The following FAM135B variants were observed in gnomAD, a reference collection of about 807,000 sequenced individuals.
The protein encoded by FAM135B is protein FAM135B.
FAM135B carries 43 observed loss-of-function variants against 127.7 expected under a neutral mutation model. That is an observed-to-expected ratio of 0.34 (90% CI 0.26 to 0.43). FAM135B has a LOEUF of 0.43. Ranked by LOEUF, FAM135B falls within the 20% of genes least tolerant of loss-of-function variation. The probability of loss-of-function intolerance (pLI) is 1.00; values close to 1 mark genes in which losing one functional copy is unlikely to be tolerated. For synonymous variants in FAM135B, 670 were observed against 665.1 expected (o/e 1.01, Z -0.11); for missense variants, 1,558 against 1,725.6 (o/e 0.90, Z 1.72).
rs533160189 is a variant in FAM135B, at chr8:138,490,967, A to T, written c.-20+5704T>A. Among the ~76,000 whole-genome samples, 11 of 151,974 alleles carry T rather than the reference A, an allele frequency of 7.2e-5. No individual in the cohort carries two copies. The South Asian group carries it at 2.3e-3, about 32-fold the overall frequency. On this transcript the variant is annotated intron_variant, in intron 1 of 19. Coordinates refer to ENST00000395297, the MANE Select transcript of FAM135B (RefSeq NM_015912.4). ...AGACCAGCCTGACCAACGTGGTGAA[A>T]CTCTGTCTCTACTAAAAATCAAAAT... is the stretch of plus-strand genomic sequence containing the variant.
At chr8:138,144,706 C>T (rs1288945532) in intron 15 of FAM135B, among the ~76,000 whole-genome samples, 7 of 152,146 alleles carry the variant, frequency 4.6e-5, no homozygotes, top group African/African-American at 7.2e-5. Context: ...ACAATGAGTG[C>T]ATAATCAGTA....
chr8:138,204,756 A>ATATATTTTAACTTTG (rs1817428713), intron 7 of FAM135B, among the ~76,000 whole-genome samples: 1 of 152,234 alleles, frequency 6.6e-6, no homozygotes, highest in Admixed American at 6.5e-5. Context: ...TATGTATGTA[A>ATATATTTTAACTTTG]CCTGATTTTA....
intron 7 of FAM135B, among the ~76,000 whole-genome samples, chr8:138,208,877 T>TA (rs139658137): frequency 7.9e-5 from 12 of 151,750 alleles, no homozygotes; most frequent in African/African-American, 1.5e-4. Context: ...TCAGAACTTT[T>TA]AAAAAAAAAT....
chr8:138,359,943 T>C (rs1020747954), intron 2 of FAM135B, among the ~76,000 whole-genome samples: 2 of 152,188 alleles, frequency 1.3e-5, no homozygotes, highest in African/African-American at 4.8e-5. Flanking sequence ...AACATTTCTA[T>C]GAGCCTTCAC....
intron 16 of FAM135B, 104 bp downstream of exon 16, chr8:138,142,908 C>T (rs1385559564): frequency 7.5e-6 from 5 of 664,816 alleles, no homozygotes; most frequent in Non-Finnish European, 1.4e-5. Flanking sequence ...GTTAGCTTAG[C>T]TCAGTGGTAT....
intron 8 of FAM135B, among the ~76,000 whole-genome samples, chr8:138,197,272 A>G (rs1816726943): frequency 6.6e-6 from 1 of 152,232 alleles, no homozygotes. Flanking sequence ...TAGGTACTCA[A>G]TAGATGTCTG....
At chr8:138,256,555 G>C in intron 5 of FAM135B, 134 bp downstream of exon 5, 1 of 719,458 alleles carries the variant, frequency 1.4e-6, no homozygotes, top group East Asian at 2.7e-5. Context: ...CTGAGTCAGG[G>C]ACATTGCAGC....
intron 9 of FAM135B, 31 bp from the exon 10 acceptor site, chr8:138,178,721 C>T (rs2130984760): frequency 6.2e-7 from 1 of 1,607,588 alleles, no homozygotes; most frequent in Non-Finnish European, 8.5e-7. Flanking sequence ...GTATTCAAGG[C>T]TCCTGACTCC....
At chr8:138,371,349 TACAC>T (rs1396040645) in intron 1 of FAM135B, among the ~76,000 whole-genome samples, 1 of 151,984 alleles carries the variant, frequency 6.6e-6, no homozygotes, top group East Asian at 1.9e-4. Flanking sequence ...ATCACACTCA[TACAC>T]ACAAACACAC....
intron 3 of FAM135B, among the ~76,000 whole-genome samples, chr8:138,292,571 G>C (rs1825192272): frequency 6.6e-6 from 1 of 152,088 alleles, no homozygotes; most frequent in Non-Finnish European, 1.5e-5. Context: ...GAGATTAAAT[G>C]CTATTCCTAT....
intron 1 of FAM135B, among the ~76,000 whole-genome samples, chr8:138,418,189 G>A (rs1834274641): frequency 6.6e-6 from 1 of 152,092 alleles, no homozygotes; most frequent in Non-Finnish European, 1.5e-5. Context: ...ATACAAAGAT[G>A]ATGAAAGAAT....
In FAM135B at chr8:138,312,126, T is replaced by C. The variant is rs569259120; in HGVS notation, c.78-1206A>G. 3.9e-4 allele frequency among the ~76,000 whole-genome samples: 59 copies of C among 152,246 alleles called. No homozygotes were observed. The South Asian group carries it at 0.012, about 30-fold the overall frequency. On this transcript the variant is annotated intron_variant, in intron 2 of 19. Coordinates refer to ENST00000395297, the MANE Select transcript of FAM135B (RefSeq NM_015912.4). ...CACGCCTGGCTAATTTTTGTATTTT[T>C]AGTAGAGACGGGGTTTCACCATGTT...
chr8:138,226,150 C>CAT (rs1819411102), intron 7 of FAM135B, among the ~76,000 whole-genome samples: 1 of 133,566 alleles, frequency 7.5e-6, no homozygotes, highest in South Asian at 2.5e-4. Flanking sequence ...GGGGACCCAC[C>CAT]GTGTGTGTGT....
At chr8:138,303,578 G>A (rs1446575124) in intron 3 of FAM135B, among the ~76,000 whole-genome samples, 1 of 152,130 alleles carries the variant, frequency 6.6e-6, no homozygotes, top group Non-Finnish European at 1.5e-5. Context: ...TTCTGCACAT[G>A]TATCCCAGAA....
At chr8:138,277,215 G>A (rs1823894838) in intron 3 of FAM135B, among the ~76,000 whole-genome samples, 1 of 152,158 alleles carries the variant, frequency 6.6e-6, no homozygotes, top group South Asian at 2.1e-4. Flanking sequence ...TCTTGCAGCT[G>A]ACATTTTTCC....
rs1818129259 is a variant in FAM135B at position 138,151,392 on chromosome 8, A to C, written c.3083T>G (p.Val1028Gly). 6.2e-7 allele frequency: 1 copy of C among 1,613,660 alleles called. No individual in the cohort carries two copies. Among genetic ancestry groups the C allele is most frequent in the African/African-American group, 1.3e-5 (1 of 74,932 alleles). Residue 1028 changes from valine to glycine, a missense_variant, in exon 13 of 20, where the codon GTG (valine) becomes GGG (glycine). Physicochemically the swap from Val to Gly is moderately radical, Grantham distance 109. Transcript: ENST00000395297. Reference protein sequence around the residue: ...ETFTLDSLKAVEVVNLSVSCT... With the variant: ...ETFTLDSLKAGEVVNLSVSCT... ...AGACACAGATAAGTTCACAACCTCC[A>C]CAGCCTTCAGGCTGTCCAGAGTAAA...
chr8:138,211,662 CTGTT>C lies in FAM135B; in HGVS notation c.670-13997_670-13994del, dbSNP rs1346133341. Among the ~76,000 whole-genome samples, 3 of 152,300 alleles carry C rather than the reference CTGTT, an allele frequency of 2.0e-5. No individual in the cohort carries two copies. In the East Asian group the frequency reaches 5.8e-4, roughly 29 times the overall value. On this transcript the variant is annotated intron_variant, in intron 7 of 19. Transcript: ENST00000395297. The stretch of plus-strand genomic sequence containing the variant: ...TTTAATGCTGCTCTGCACTTATTGA[CTGTT>C]TGTTATCTGCTAGTACACTGCTGAA...
At chr8:138,328,490 A>G (rs1827956850) in intron 2 of FAM135B, among the ~76,000 whole-genome samples, 1 of 152,168 alleles carries the variant, frequency 6.6e-6, no homozygotes, top group African/African-American at 2.4e-5. Context: ...AAGGTGGAGG[A>G]ACAGCTTGGG....
At chr8:138,476,869 G>A (rs1814488677) in intron 1 of FAM135B, among the ~76,000 whole-genome samples, 1 of 152,140 alleles carries the variant, frequency 6.6e-6, no homozygotes, top group Non-Finnish European at 1.5e-5. Flanking sequence ...TTGTTAAGAG[G>A]ACTGGAGCTG....
Sources: allele counts gnomAD v4.1 joint callset (sites outside exome capture counted in the v4.1 genomes callset), GRCh38; gene constraint gnomAD v4.1.1; transcripts MANE v1.5; gene names NCBI Gene and HGNC (gene_info 2026-07-23, HGNC 2026-07-21).